LINGO1: variants seen among roughly 807,000 people sequenced by gnomAD.
The protein encoded by LINGO1 is leucine rich repeat and Ig domain containing 1, also known as leucine-rich repeat and immunoglobulin-like domain-containing nogo receptor-interacting protein 1.
LINGO1 carries 11 observed loss-of-function variants against 37.3 expected under a neutral mutation model. The ratio of observed to expected loss-of-function variants is 0.29; its 90% confidence interval spans 0.19 to 0.49. The LOEUF (loss-of-function observed/expected upper bound fraction) is 0.49, where lower values mean the gene tolerates loss of function less well. LINGO1 is among the 20% of genes least tolerant of loss of function. The pLI, the probability that LINGO1 is intolerant of heterozygous loss-of-function variation, is 0.99. For synonymous variants in LINGO1, 387 were observed against 403.0 expected (o/e 0.96, Z 0.48); for missense variants, 585 against 878.2 (o/e 0.67, Z 4.22).
intron 1 of LINGO1, among the ~76,000 whole-genome samples, chr15:77,763,055 G>A (rs1042013105): frequency 2.0e-5 from 3 of 152,048 alleles, no homozygotes; most frequent in East Asian, 1.9e-4. Context: ...TGCCCACCCC[G>A]CCCTCGCCCG....
At position 77,614,217 on chromosome 15, in the gene LINGO1, C is replaced by T. The variant is rs2073605136; in HGVS notation, c.1690G>A (p.Gly564Ser). 6.2e-7 allele frequency: 1 copy of T among 1,613,868 alleles called. No homozygotes were observed. Among genetic ancestry groups the T allele is most frequent in the Non-Finnish European group, 8.5e-7 (1 of 1,179,902 alleles). Residue 564 changes from glycine (G) to serine (S), a missense_variant, in exon 2 of 2, where the codon GGC becomes AGC. By Grantham distance (56) the Gly-to-Ser change is moderately conservative. This residue lies in a region of LINGO1 where 2 missense variants were observed against 24.2 expected (regional missense o/e 0.08). Transcript: ENST00000355300. ...IKTLIIATTM[G>S]FISFLGVVLF... The stretch of plus-strand genomic sequence containing the variant: ...ACGACGCCCAGGAAAGAGATGAAGC[C>T]CATGGTGGTGGCGATGATGAGGGTC...
chr15:77,676,083 AG>A (rs1489507756), intron 3 of LINGO1, among the ~76,000 whole-genome samples: 1 of 152,226 alleles, frequency 6.6e-6, no homozygotes, highest in African/African-American at 2.4e-5. Flanking sequence ...GGAACCTTAC[AG>A]CACTCCCAAA....
intron 3 of LINGO1, among the ~76,000 whole-genome samples, chr15:77,662,150 T>C (rs1262813127): frequency 6.6e-6 from 1 of 152,180 alleles, no homozygotes; most frequent in African/African-American, 2.4e-5. Flanking sequence ...CCCACATATG[T>C]GAGTGTGTGT....
intron 1 of LINGO1, 26 bp from the exon 2 acceptor site, chr15:77,615,926 A>C: frequency 6.9e-7 from 1 of 1,442,850 alleles, no homozygotes; most frequent in Non-Finnish European, 9.1e-7. Flanking sequence ...AGCACAGGAC[A>C]GAGGTGGCGG....
intron 3 of LINGO1, among the ~76,000 whole-genome samples, chr15:77,669,805 C>T (rs2075215718): frequency 6.6e-6 from 1 of 152,214 alleles, no homozygotes; most frequent in African/African-American, 2.4e-5. Flanking sequence ...AGAGCATGCC[C>T]CTGTCTAATG....
At chr15:77,755,378 T>C (rs1317777494) in intron 1 of LINGO1, among the ~76,000 whole-genome samples, 1 of 152,202 alleles carries the variant, frequency 6.6e-6, no homozygotes. Context: ...CAGGCCCTCA[T>C]GGTAGAAATG....
At position 77,614,039 on chromosome 15, in the gene LINGO1, C is replaced by A; in HGVS notation, c.*5G>T. On this transcript the variant is annotated 3_prime_UTR_variant, in exon 2 of 2. Transcript: ENST00000355300. ...GCCCGGGGGTCCCTGCCCCCCGCCC[C>A]GGCCTCATATCATCTTCATGTTGAA... The A allele has an allele frequency of 6.4e-7, 1 of 1,564,540 alleles. No individual in the cohort carries two copies.
chr15:77,673,301 G>GA (rs71447161), intron 3 of LINGO1, among the ~76,000 whole-genome samples: 242 of 145,410 alleles, frequency 1.7e-3, no homozygotes, highest in African/African-American at 4.1e-3. Flanking sequence ...AAACTTAAAT[G>GA]AAAAAAAAAA....
chr15:77,694,044 T>C (rs761661256), intron 1 of LINGO1, among the ~76,000 whole-genome samples: 2 of 152,032 alleles, frequency 1.3e-5, no homozygotes, highest in African/African-American at 2.4e-5. Flanking sequence ...CCTGGAGGTA[T>C]GCAAGCAGAG....
chr15:77,666,108 C>CTGAA (rs372284101), intron 3 of LINGO1, among the ~76,000 whole-genome samples: 39 of 152,286 alleles, frequency 2.6e-4, no homozygotes, highest in African/African-American at 3.6e-4. Flanking sequence ...CAAGTGTTGG[C>CTGAA]TGAATGAATG....
In LINGO1 at chr15:77,615,788, G is replaced by A. The variant is rs747055318; in HGVS notation, c.119C>T (p.Thr40Met). Residue 40 changes from threonine (T) to methionine (M), a missense_variant, in exon 2 of 2, where the codon ACG becomes ATG. By Grantham distance (81) the Thr-to-Met change is moderately conservative. Coordinates refer to ENST00000355300, the MANE Select transcript of LINGO1 (RefSeq NM_032808.7). Reference sequence around the variant, plus strand: ...GCACTCGCAGCGGGGCGGGCAGCCCGTGGCCGAGCCTGACAGCACTGAGCC... The same window carrying A: ...GCACTCGCAGCGGGGCGGGCAGCCCATGGCCGAGCCTGACAGCACTGAGCC... ...VLGSVLSGSA[T>M]GCPPRCECSA... is the part of the protein sequence containing the mutation. The A allele has an allele frequency of 1.7e-5, 26 of 1,567,024 alleles. No individual in the cohort carries two copies. Among genetic ancestry groups the A allele is most frequent in the South Asian group, 1.5e-4 (13 of 85,752 alleles).
At chr15:77,812,586 G>A (rs924686483) in intron 1 of LINGO1, among the ~76,000 whole-genome samples, 2 of 152,192 alleles carry the variant, frequency 1.3e-5, no homozygotes, top group Admixed American at 6.5e-5. Context: ...GGGGGCTTGC[G>A]TCTCTTTCTC....
chr15:77,799,202 A>AC (rs1294679407), intron 1 of LINGO1, among the ~76,000 whole-genome samples: 1 of 152,160 alleles, frequency 6.6e-6, no homozygotes, highest in Non-Finnish European at 1.5e-5. Flanking sequence ...TTAAGTACCT[A>AC]CCATGTGTTT....
chr15:77,789,073 C>T (rs538431660), upstream of LINGO1, among the ~76,000 whole-genome samples: 180 of 152,064 alleles, frequency 1.2e-3, no homozygotes, highest in African/African-American at 4.1e-3. Flanking sequence ...ATGAGATGCT[C>T]ACCACCGCCA....
At chr15:77,781,839 C>T (rs2076720665) in intron 1 of LINGO1, among the ~76,000 whole-genome samples, 1 of 152,238 alleles carries the variant, frequency 6.6e-6, no homozygotes, top group Non-Finnish European at 1.5e-5. Context: ...CCGAAAGCCT[C>T]TCTCGCCCTC....
At chr15:77,670,299 T>G (rs766373239) in intron 3 of LINGO1, among the ~76,000 whole-genome samples, 2 of 152,370 alleles carry the variant, frequency 1.3e-5, no homozygotes, top group African/African-American at 4.8e-5. Context: ...ATTGGGAATA[T>G]GCTAAAAATC....
Position 77,614,075 on chromosome 15 carries a change from G to A in LINGO1, c.1832C>T (p.Ala611Val), listed in dbSNP as rs371235435. The A allele has an allele frequency of 7.5e-6, 12 of 1,608,572 alleles. No homozygotes were observed. Among genetic ancestry groups the A allele is most frequent in the African/African-American group, 5.3e-5 (4 of 74,814 alleles). Residue 611 changes from alanine to valine, a missense_variant, in exon 2 of 2, where the codon GCG becomes GTG. Coordinates refer to ENST00000355300, the MANE Select transcript of LINGO1 (RefSeq NM_032808.7). The part of the protein sequence containing the change: ...KSDAGISSAD[A>V]PRKFNMKMI ...CATCTTCATGTTGAACTTGCGGGGCGCGTCGGCGGAGCTGATGCCTGCGTC... is the reference window on the plus strand; with the variant it reads ...CATCTTCATGTTGAACTTGCGGGGCACGTCGGCGGAGCTGATGCCTGCGTC...
intron 1 of LINGO1, among the ~76,000 whole-genome samples, chr15:77,803,453 C>T (rs1221967654): frequency 2.0e-5 from 3 of 149,984 alleles, no homozygotes; most frequent in African/African-American, 7.4e-5. Context: ...TCCAAACAAA[C>T]AGACAAACAA....
In LINGO1 at chr15:77,806,344, T is replaced by A. The variant is rs1472411941; in HGVS notation, c.-457-10291A>T. On this transcript the variant is annotated intron_variant, in intron 1 of 5. Transcript: ENST00000562933. ...ATTAATGGTTTTGAAAAGCCCCACA[T>A]TCTCTGCAAACAGGAAGAAGCACAG... 7.2e-5 allele frequency among the ~76,000 whole-genome samples: 11 copies of A among 151,824 alleles called. No homozygotes were observed. The East Asian group carries it at 2.1e-3, about 30-fold the overall frequency.
Sources: allele counts gnomAD v4.1 joint callset (sites outside exome capture counted in the v4.1 genomes callset), GRCh38; gene constraint gnomAD v4.1.1; regional missense constraint gnomAD v4.1.1; transcripts MANE v1.5; gene names NCBI Gene and HGNC (gene_info 2026-07-23, HGNC 2026-07-21).